DST: variants seen among roughly 807,000 people sequenced by gnomAD.
DST encodes the protein dystonin, also known as bullous pemphigoid antigen.
A neutral mutation model predicts 875.2 loss-of-function variants in DST; 253 were observed. That is an observed-to-expected ratio of 0.29 (90% CI 0.26 to 0.32). The LOEUF is 0.32. DST is among the 10% of genes least tolerant of loss of function. The pLI, the probability that DST is intolerant of heterozygous loss-of-function variation, is 1.00. For missense variants in DST, 8,287 were observed against 9,111.6 expected, an observed-to-expected ratio of 0.91 and a Z score of 3.68; for synonymous variants, 3,124 against 3,197.1, an observed-to-expected ratio of 0.98 and a Z score of 0.77.
intron 3 of DST, among the ~76,000 whole-genome samples, chr6:56,883,480 AT>A (rs1783174566): frequency 6.6e-6 from 1 of 152,210 alleles, no homozygotes; most frequent in Non-Finnish European, 1.5e-5. Flanking sequence ...CATAAGAACA[AT>A]TTCCCACCTT....
chr6:56,786,246 T>C (rs1030831145), intron 4 of DST, among the ~76,000 whole-genome samples: 1 of 152,230 alleles, frequency 6.6e-6, no homozygotes, highest in Non-Finnish European at 1.5e-5. Context: ...TGTTACAAAA[T>C]GTAGTCTTTA....
chr6:56,554,047 T>A (rs1364115269), intron 60 of DST, among the ~76,000 whole-genome samples: 1 of 150,208 alleles, frequency 6.7e-6, no homozygotes, highest in African/African-American at 2.4e-5. Flanking sequence ...CATCTCTTAT[T>A]AAATATGACT....
At chr6:56,892,526 A>G (rs1223163235) in intron 3 of DST, among the ~76,000 whole-genome samples, 1 of 151,790 alleles carries the variant, frequency 6.6e-6, no homozygotes, top group Non-Finnish European at 1.5e-5. Context: ...GGGTCTCCCT[A>G]TGTTGCCCAG....
At chr6:56,910,880 G>C (rs571543548) in intron 2 of DST, among the ~76,000 whole-genome samples, 1 of 152,282 alleles carries the variant, frequency 6.6e-6, no homozygotes, top group South Asian at 2.1e-4. Context: ...GTTCCTGCTG[G>C]TAAGAAGCAC....
rs2097548512 is a variant in DST, at chr6:56,562,308, C to T, written c.14006-108G>A. 3.1e-5 allele frequency: 13 copies of T among 417,176 alleles called. No homozygotes were observed. In the South Asian group the frequency reaches 6.5e-4, roughly 21 times the overall value. 25.8% of individuals were successfully genotyped at this position (417,176 alleles called of 1,614,324 possible). On this transcript the variant is annotated intron_variant, in intron 55 of 103. Transcript: ENST00000680361. The stretch of plus-strand genomic sequence containing the variant: ...ATCAACAGTAATCACACATAAAACA[C>T]TGACTCAACTTCAAAATCAAATGAA...
intron 30 of DST, 133 bp from the exon 31 acceptor site, chr6:56,630,516 A>G: frequency 1.2e-6 from 1 of 833,912 alleles, no homozygotes. Context: ...TTACTATGAA[A>G]CTGACATTTT....
chr6:56,886,983 G>C (rs2127651516), intron 3 of DST, among the ~76,000 whole-genome samples: 1 of 152,202 alleles, frequency 6.6e-6, no homozygotes, highest in Non-Finnish European at 1.5e-5. Flanking sequence ...CACTCACTTG[G>C]AGGTGGTTTA....
Position 56,460,267 on chromosome 6 carries a change from A to G in DST, c.23071-13T>C. 1 of 1,613,914 alleles carries G rather than the reference A, an allele frequency of 6.2e-7. No individual in the cohort carries two copies. The highest frequency in any genetic ancestry group is 8.5e-7 in the Non-Finnish European group (1 of 1,179,806). On this transcript the variant is annotated splice_polypyrimidine_tract_variant and intron_variant, in intron 102 of 103. Coordinates refer to ENST00000680361, the MANE Select transcript of DST (RefSeq NM_001374736.1). ...GTATTGGCGTTCCCTGTATTTAACC[A>G]GCAACAAGACATTTCAAAATATTGC...
At chr6:56,821,290 A>T in intron 4 of DST, among the ~76,000 whole-genome samples, 1 of 152,222 alleles carries the variant, frequency 6.6e-6, no homozygotes, top group East Asian at 1.9e-4. Flanking sequence ...ATGTGTTCAA[A>T]GGGATCAGCT....
intron 103 of DST, among the ~76,000 whole-genome samples, chr6:56,459,886 G>A (rs1406685308): frequency 1.3e-5 from 2 of 152,140 alleles, no homozygotes; most frequent in Non-Finnish European, 2.9e-5. Flanking sequence ...GCTTGAAGGG[G>A]TAGAATACCA....
At chr6:56,685,665 G>A (rs1279345581) in intron 9 of DST, among the ~76,000 whole-genome samples, 2 of 152,060 alleles carry the variant, frequency 1.3e-5, no homozygotes, top group Admixed American at 6.6e-5. Context: ...CCAGCTACTC[G>A]TGAGGCTGAG....
chr6:56,517,038 CTG>C (rs2096607222), intron 71 of DST, among the ~76,000 whole-genome samples, 158 bp downstream of exon 71: 1 of 152,162 alleles, frequency 6.6e-6, no homozygotes, highest in Admixed American at 6.5e-5. Context: ...ATTCCTTTCA[CTG>C]TTATTCTATA....
At chr6:56,753,511 C>T (rs2099594019) in intron 4 of DST, among the ~76,000 whole-genome samples, 1 of 152,210 alleles carries the variant, frequency 6.6e-6, no homozygotes, top group Non-Finnish European at 1.5e-5. Context: ...ATTTCAAACA[C>T]TTGCATAGAA....
At chr6:56,531,057 C>T (rs563715349) in intron 64 of DST, among the ~76,000 whole-genome samples, 3 of 152,272 alleles carry the variant, frequency 2.0e-5, no homozygotes, top group Admixed American at 6.5e-5. Flanking sequence ...TCACAATGCA[C>T]ACACATTTTT....
At chr6:56,836,607 T>C (rs1454577914) in intron 4 of DST, among the ~76,000 whole-genome samples, 1 of 151,712 alleles carries the variant, frequency 6.6e-6, no homozygotes, top group African/African-American at 2.4e-5. Flanking sequence ...TCCCAGCACT[T>C]TGGGAGGCCG....
intron 10 of DST, among the ~76,000 whole-genome samples, chr6:56,659,026 T>C (rs1307599435): frequency 6.6e-6 from 1 of 152,198 alleles, no homozygotes. Context: ...TTGTAAACTT[T>C]TTCCCCAATA....
In DST at chr6:56,633,043, G is replaced by A. The variant is rs1303797275; in HGVS notation, c.3622-6C>T. On this transcript the variant is annotated splice_region_variant and splice_polypyrimidine_tract_variant and intron_variant, in intron 27 of 103. Coordinates refer to ENST00000680361, the MANE Select transcript of DST (RefSeq NM_001374736.1). ...CCAGGTAGCATTGTCTTTATCTAAA[G>A]AAGACCAAAGACCCATGTAATTCAT... 1 of 1,612,320 alleles carries A rather than the reference G, an allele frequency of 6.2e-7. No homozygotes were observed. The highest frequency in any genetic ancestry group is 8.5e-7 in the Non-Finnish European group (1 of 1,178,600).
rs138552778 is a variant in DST, at chr6:56,536,178, C to T, written c.16770+601G>A. 2.0e-3 allele frequency among the ~76,000 whole-genome samples: 306 copies of T among 152,278 alleles called. 1 individual carries two copies. The highest frequency in any genetic ancestry group is 7.1e-3 in the African/African-American group (294 of 41,562). ...GCCATCGTATGTCAGCATTATCTCC[C>T]TAAGACATCAGAGCATTATTTCTAG... is the stretch of plus-strand genomic sequence containing the variant. On this transcript the variant is annotated intron_variant, in intron 62 of 103. Coordinates refer to ENST00000680361, the MANE Select transcript of DST (RefSeq NM_001374736.1).
In DST at chr6:56,876,207, T is replaced by G. The variant is rs571035028; in HGVS notation, c.417+24214A>C. Among the ~76,000 whole-genome samples, 3 of 152,284 alleles carry G rather than the reference T, an allele frequency of 2.0e-5. No homozygotes were observed. In the East Asian group the frequency reaches 5.8e-4, roughly 29 times the overall value. On this transcript the variant is annotated intron_variant, in intron 3 of 103. Transcript: ENST00000680361. ...GGACTTTGGAACCTGACTCATTGCTTCTTCTTCACTTTGAGTGTAGTCATC... is the reference window on the plus strand; with the variant it reads ...GGACTTTGGAACCTGACTCATTGCTGCTTCTTCACTTTGAGTGTAGTCATC...
Sources: gnomAD v4.1 joint callset for allele counts (sites outside exome capture counted in the v4.1 genomes callset) on GRCh38, gnomAD v4.1.1 for gene constraint, MANE v1.5 for transcripts, NCBI Gene and HGNC (gene_info 2026-07-23, HGNC 2026-07-21) for gene names.